Variants in PNLDC1 observed in about 807,000 individuals in gnomAD.
PNLDC1 encodes the protein PARN like ribonuclease domain containing exonuclease 1, also known as poly(A)-specific ribonuclease PNLDC1.
In PNLDC1, 70 loss-of-function variants were observed where a neutral mutation model predicts 82.0. The ratio of observed to expected loss-of-function variants is 0.85; its 90% CI spans 0.70 to 1.04. The LOEUF (loss-of-function observed/expected upper bound fraction) is 1.04. Among genes scored for constraint, PNLDC1 ranks in the 50% least tolerant of loss-of-function variants. The pLI is 0.00. For missense variants in PNLDC1, 631 were observed against 661.1 expected (o/e 0.95, Z 0.50); for synonymous variants, 280 against 249.3 (o/e 1.12, Z -1.16).
chr6:159,817,490 G>A (rs887382845), intron 15 of PNLDC1, among the ~76,000 whole-genome samples: 1 of 152,192 alleles, frequency 6.6e-6, no homozygotes, highest in Non-Finnish European at 1.5e-5. Context: ...TCTCTCACTT[G>A]CTTTCTTATA....
chr6:159,802,549 A>G (rs1781299538), intron 3 of PNLDC1, among the ~76,000 whole-genome samples: 1 of 151,868 alleles, frequency 6.6e-6, no homozygotes, highest in African/African-American at 2.4e-5. Context: ...TATAGGAAAC[A>G]GTTGTAGTTA....
chr6:159,809,630 C>T (rs1164350128), intron 9 of PNLDC1, among the ~76,000 whole-genome samples: 1 of 151,946 alleles, frequency 6.6e-6, no homozygotes, highest in East Asian at 1.9e-4. Flanking sequence ...TGGATCTAAC[C>T]TTGCTTTCAC....
chr6:159,816,479 C>A, intron 13 of PNLDC1, 64 bp from the exon 14 acceptor site: 1 of 1,459,832 alleles, frequency 6.9e-7, no homozygotes, highest in Non-Finnish European at 9.6e-7. Flanking sequence ...GGATGGTGAG[C>A]TAGGATGGGG....
rs41267787 is a variant in PNLDC1, at chr6:159,808,835, C to T, written c.639+19C>T. 117,630 of 1,612,470 alleles carry T rather than the reference C, an allele frequency of 0.073. 4,905 individuals are homozygous for T. The highest frequency in any genetic ancestry group is 0.16 in the African/African-American group (12,188 of 74,944). On this transcript the variant is annotated intron_variant, in intron 8 of 18. Transcript: ENST00000392167. ...TGAGGGGGTGAGTTCTCACTGCGAA[C>T]GGGGCATCAGTGGCTCCATTGTTTC...
At chr6:159,805,488 G>A (rs1781414231) in intron 6 of PNLDC1, among the ~76,000 whole-genome samples, 1 of 152,102 alleles carries the variant, frequency 6.6e-6, no homozygotes, top group Non-Finnish European at 1.5e-5. Flanking sequence ...GTAGCTTTTT[G>A]TAAGGGAAAA....
Position 159,808,791 on chromosome 6 carries a change from T to C in PNLDC1, c.614T>C (p.Ile205Thr). The C allele has an allele frequency of 6.2e-7, 1 of 1,614,082 alleles. No homozygotes were observed. Among genetic ancestry groups the C allele is most frequent in the Non-Finnish European group, 8.5e-7 (1 of 1,179,996 alleles). The part of the protein sequence containing the change: ...QLVLRQALPN[I>T]WTVLKDEGVV... ...GTGCTGAGGCAGGCCCTCCCCAACA[T>C]CTGGACGGTGCTGAAAGATGAGGGG... The change falls in exon 8 of 19, where the codon ATC becomes ACC. Residue 205 changes from isoleucine to threonine, a missense_variant. Coordinates refer to ENST00000392167, the MANE Select transcript of PNLDC1 (RefSeq NM_001271862.2).
At chr6:159,816,455 G>A (rs1176568754) in intron 13 of PNLDC1, 88 bp from the exon 14 acceptor site, 2 of 1,216,178 alleles carry the variant, frequency 1.6e-6, no homozygotes, top group African/African-American at 3.0e-5. Flanking sequence ...GGTTGTATGA[G>A]CTGCAGCCAC....
chr6:159,804,571 A>G lies in PNLDC1; in HGVS notation c.395A>G (p.Tyr132Cys). ...YNKFLKNGIP[Y>C]MNEEQEKKIR... Reference sequence around the variant, plus strand: ...AAGTTTCTCAAAAACGGAATCCCATATATGAATGAAGAACAGGAGAAGAAA... The same window carrying G: ...AAGTTTCTCAAAAACGGAATCCCATGTATGAATGAAGAACAGGAGAAGAAA... The change falls in exon 6 of 19, where the codon TAT (tyrosine) becomes TGT (cysteine). Residue 132 changes from tyrosine (Y) to cysteine (C), a missense_variant. Physicochemically the swap from Tyr to Cys is radical, Grantham distance 194. Coordinates refer to ENST00000392167, the MANE Select transcript of PNLDC1 (RefSeq NM_001271862.2). 6.2e-7 allele frequency: 1 copy of G among 1,606,810 alleles called. No homozygotes were observed. Among genetic ancestry groups the G allele is most frequent in the Non-Finnish European group, 8.5e-7 (1 of 1,173,360 alleles).
chr6:159,804,384 A>G (rs1029589992), intron 5 of PNLDC1, among the ~76,000 whole-genome samples, 165 bp from the exon 6 acceptor site: 2 of 152,160 alleles, frequency 1.3e-5, no homozygotes, highest in African/African-American at 2.4e-5. Context: ...GGTTATAGGC[A>G]TGAGCCACCG....
chr6:159,807,669 A>G (rs187990904), intron 7 of PNLDC1, among the ~76,000 whole-genome samples: 216 of 152,348 alleles, frequency 1.4e-3, no homozygotes, highest in African/African-American at 4.8e-3. Flanking sequence ...TAATGTTACT[A>G]TTGTGCGCTA....
intron 2 of PNLDC1, 76 bp downstream of exon 2, chr6:159,800,905 C>T (rs984546450): frequency 1.9e-6 from 3 of 1,601,614 alleles, no homozygotes; most frequent in Non-Finnish European, 2.6e-6. Flanking sequence ...AGCCTGTTGG[C>T]ATTTGGGGGG....
chr6:159,801,118 T>C lies in PNLDC1; in HGVS notation c.140T>C (p.Phe47Ser). ...AGATGCCTGTTTGTTCACAGTCTTT[T>C]TGATTTGCCATCGGAGTGGTATCTA... is the stretch of plus-strand genomic sequence containing the variant. ...NLSGPQQISL[F>S]DLPSEWYLKT... is the part of the protein sequence containing the mutation. The change falls in exon 3 of 19, where the codon TTT becomes TCT. Residue 47 changes from phenylalanine (F) to serine (S), a missense_variant. Phe to Ser is a radical substitution (Grantham distance 155, BLOSUM62 -2). Coordinates refer to ENST00000392167, the MANE Select transcript of PNLDC1 (RefSeq NM_001271862.2). The C allele has an allele frequency of 6.2e-7, 1 of 1,614,250 alleles. No homozygotes were observed. The highest frequency in any genetic ancestry group is 8.5e-7 in the Non-Finnish European group (1 of 1,180,036).
chr6:159,802,636 A>G (rs1562495938), intron 3 of PNLDC1, among the ~76,000 whole-genome samples: 2 of 152,328 alleles, frequency 1.3e-5, no homozygotes, highest in East Asian at 1.9e-4. Flanking sequence ...GCTGGAGTGC[A>G]GGGGCACGAT....
Position 159,819,390 on chromosome 6 carries a change from T to C in PNLDC1, c.1532+38T>C. ...CTGAGGCCACCTGCCTGTCCTGGGG[T>C]CCTGGAGTGCCCGGGGTCCCAGCAT... is the stretch of plus-strand genomic sequence containing the variant. On this transcript the variant is annotated intron_variant, in intron 18 of 18. Coordinates refer to ENST00000392167, the MANE Select transcript of PNLDC1 (RefSeq NM_001271862.2). This position sits in a 1 kb window ranked among gnomAD's most constrained non-coding sequence, Gnocchi z 4.6. 1 of 1,578,056 alleles carries C rather than the reference T, an allele frequency of 6.3e-7. No homozygotes were observed. Among genetic ancestry groups the C allele is most frequent in the Non-Finnish European group, 8.7e-7 (1 of 1,153,228 alleles).
At chr6:159,805,042 C>CA (rs1176562671) in intron 6 of PNLDC1, among the ~76,000 whole-genome samples, 1 of 152,246 alleles carries the variant, frequency 6.6e-6, no homozygotes, top group African/African-American at 2.4e-5. Context: ...ATCTCTCGGG[C>CA]AACCTTGACT....
chr6:159,819,897 G>C lies in PNLDC1; in HGVS notation c.1532+545G>C, dbSNP rs1781979018. ...GTGCCCCCCAGCTGGGGGCCACCCAGGGAGGACGTGGGCTTCTCTCAGGAG... is the reference window on the plus strand; with the variant it reads ...GTGCCCCCCAGCTGGGGGCCACCCACGGAGGACGTGGGCTTCTCTCAGGAG... On this transcript the variant is annotated intron_variant, in intron 18 of 18. Transcript: ENST00000392167. This position sits in a 1 kb window ranked among gnomAD's most constrained non-coding sequence, Gnocchi z 4.6. 6.6e-6 allele frequency among the ~76,000 whole-genome samples: 1 copy of C among 152,126 alleles called. No individual in the cohort carries two copies. Among genetic ancestry groups the C allele is most frequent in the South Asian group, 2.1e-4 (1 of 4,828 alleles).
intron 12 of PNLDC1, 61 bp downstream of exon 12, chr6:159,813,717 G>C (rs972446042): frequency 8.8e-6 from 13 of 1,479,978 alleles, no homozygotes; most frequent in Non-Finnish European, 1.2e-5. Flanking sequence ...CCTGTGCTCC[G>C]CAGGCCTTTG....
chr6:159,811,858 GGTTTTTTTCTTGT>G, intron 11 of PNLDC1, 72 bp downstream of exon 11: 1 of 1,174,202 alleles, frequency 8.5e-7, no homozygotes. Flanking sequence ...TCTCTTGTGG[GGTTTTTTTCTTGT>G]GTTTTTTTGT....
At chr6:159,817,443 T>G (rs931305325) in intron 15 of PNLDC1, among the ~76,000 whole-genome samples, 1 of 152,250 alleles carries the variant, frequency 6.6e-6, no homozygotes, top group Non-Finnish European at 1.5e-5. Flanking sequence ...TTCTGACACC[T>G]GTCTCAGTCC....
Sources: allele counts gnomAD v4.1 joint callset (sites outside exome capture counted in the v4.1 genomes callset), GRCh38; gene constraint gnomAD v4.1.1; non-coding constraint Gnocchi (gnomAD v3.1); transcripts MANE v1.5; gene names NCBI Gene and HGNC (gene_info 2026-07-23, HGNC 2026-07-21).